The following CWC27 variants were observed in gnomAD, a reference collection of about 807,000 sequenced individuals.
CWC27 encodes the protein spliceosome-associated protein CWC27 homolog.
CWC27 carries 47 observed loss-of-function variants against 63.6 expected under a neutral mutation model. That is an observed-to-expected ratio of 0.74 (90% CI 0.58 to 0.94). The LOEUF is 0.94. Among genes scored for constraint, CWC27 ranks in the 40% least tolerant of loss-of-function variants. CWC27 has a pLI of 0.00. For missense variants in CWC27, 495 were observed against 554.3 expected (o/e 0.89, Z 1.07); for synonymous variants, 175 against 179.8 (o/e 0.97, Z 0.22).
chr5:64,937,199 T>C (rs533514332), intron 11 of CWC27, among the ~76,000 whole-genome samples: 35 of 152,326 alleles, frequency 2.3e-4, no homozygotes, highest in Admixed American at 4.6e-4. Context: ...ATGGTGTCGA[T>C]TTTAGATCTT....
chr5:64,842,657 T>C (rs1745875892), intron 10 of CWC27, among the ~76,000 whole-genome samples: 1 of 151,600 alleles, frequency 6.6e-6, no homozygotes, highest in African/African-American at 2.4e-5. Context: ...TGGAGTGCAG[T>C]GGCATGATCT....
chr5:64,977,887 G>A (rs1245223062), intron 13 of CWC27, among the ~76,000 whole-genome samples: 2 of 151,492 alleles, frequency 1.3e-5, no homozygotes, highest in African/African-American at 2.4e-5. Flanking sequence ...CACATGCAGT[G>A]TATTAAGCCT....
intron 7 of CWC27, among the ~76,000 whole-genome samples, chr5:64,797,742 C>G (rs528592570): frequency 6.6e-6 from 1 of 152,212 alleles, no homozygotes; most frequent in South Asian, 2.1e-4. Context: ...CTTAAAATCG[C>G]TCTTAGTGGT....
At chr5:64,913,601 A>G (rs1747833876) in intron 11 of CWC27, among the ~76,000 whole-genome samples, 1 of 152,056 alleles carries the variant, frequency 6.6e-6, no homozygotes, top group Admixed American at 6.5e-5. Flanking sequence ...TTTGAAAGAA[A>G]TTCTATCTAC....
In CWC27 at chr5:64,787,499, G is replaced by A. The variant is rs180800806; in HGVS notation, c.599+872G>A. On this transcript the variant is annotated intron_variant, in intron 6 of 13. Coordinates refer to ENST00000381070, the MANE Select transcript of CWC27 (RefSeq NM_005869.4). ...GAATATTTTTAATGACTGCATGATT[G>A]CATTATGCAATTTAACTTGTATTTA... 1.9e-3 allele frequency among the ~76,000 whole-genome samples: 281 copies of A among 151,874 alleles called. 1 individual carries two copies. Among genetic ancestry groups the A allele is most frequent in the African/African-American group, 5.1e-3 (211 of 41,510 alleles).
At chr5:65,014,640 C>T (rs1012309995) in intron 13 of CWC27, among the ~76,000 whole-genome samples, 3 of 151,870 alleles carry the variant, frequency 2.0e-5, no homozygotes, top group African/African-American at 7.3e-5. Context: ...ACTATCAGAC[C>T]CCCTGTACTC....
Position 64,885,698 on chromosome 5 carries a change from GGTGTGT to G in CWC27, c.1042+187_1042+192del, listed in dbSNP as rs143055779. 3.7e-3 allele frequency: 957 copies of G among 261,514 alleles called. 12 individuals carry two copies. The highest frequency in any genetic ancestry group is 0.023 in the African/African-American group (826 of 35,236). The allele number at this position is 261,514 out of a possible 1,614,324, so 16.2% of individuals were successfully genotyped here. A position where few individuals can be genotyped will look rare whatever the true frequency, so the allele number is the denominator to read the frequency against. On this transcript the variant is annotated intron_variant, in intron 11 of 13. Coordinates refer to ENST00000381070, the MANE Select transcript of CWC27 (RefSeq NM_005869.4). ...TTTCTTTCCCTCCCTCTTGAGTTAG[GGTGTGT>G]GTGTGTGTGTGTGTGTGTGTGTGTG...
intron 11 of CWC27, among the ~76,000 whole-genome samples, chr5:64,930,714 G>T (rs953142048): frequency 1.3e-5 from 2 of 152,150 alleles, no homozygotes; most frequent in African/African-American, 4.8e-5. Context: ...CTTATTAGTT[G>T]CACACTGATC....
chr5:64,971,639 A>G, intron 11 of CWC27, 64 bp from the exon 12 acceptor site: 1 of 1,262,234 alleles, frequency 7.9e-7, no homozygotes, highest in East Asian at 2.7e-5. Flanking sequence ...AGGAGCATAA[A>G]CATTGCTATG....
Position 64,804,240 on chromosome 5 carries a change from T to C in CWC27, c.792T>C (p.Asp264=). The C allele has an allele frequency of 6.2e-7, 1 of 1,604,878 alleles. No individual in the cohort carries two copies. Among genetic ancestry groups the C allele is most frequent in the East Asian group, 2.2e-5 (1 of 44,728 alleles). The change falls in exon 10 of 14, where the codon GAT becomes GAC. Residue 264 remains aspartate, a synonymous_variant. Transcript: ENST00000381070. ...TTCCATTTCTACAGGATGGAGAAGA[T>C]GAAAGTGCAGAGCATGATGAATATA... is the stretch of plus-strand genomic sequence containing the variant. The part of the protein sequence containing the change: ...DAPDLVDDGE[D]ESAEHDEYID...
At chr5:64,858,137 CAAAAAAAA>C (rs529762534) in intron 10 of CWC27, among the ~76,000 whole-genome samples, 3 of 23,084 alleles carry the variant, frequency 1.3e-4, no homozygotes, top group South Asian at 3.1e-3. Context: ...GACTCCGTCT[CAAAAAAAA>C]AAAAAAAAAA....
At chr5:65,011,578 G>A (rs1490247978) in intron 13 of CWC27, among the ~76,000 whole-genome samples, 2 of 152,256 alleles carry the variant, frequency 1.3e-5, no homozygotes, top group East Asian at 1.9e-4. Flanking sequence ...ACAGGCTGGA[G>A]AGGGAAGCAA....
intron 11 of CWC27, among the ~76,000 whole-genome samples, chr5:64,915,814 TA>T (rs1393412448): frequency 6.6e-6 from 1 of 152,164 alleles, no homozygotes; most frequent in South Asian, 2.1e-4. Flanking sequence ...AAAAACCCTA[TA>T]AAAATACATA....
intron 11 of CWC27, among the ~76,000 whole-genome samples, chr5:64,896,900 G>T (rs6861208): frequency 0.38 from 57,266 of 151,962 alleles, 11,561 homozygotes; most frequent in East Asian, 0.52. Context: ...CAACTTATGT[G>T]AGAAACATCT....
intron 11 of CWC27, among the ~76,000 whole-genome samples, chr5:64,914,378 A>G (rs1580723656): frequency 6.6e-6 from 1 of 152,168 alleles, no homozygotes; most frequent in African/African-American, 2.4e-5. Context: ...GCAAGCCACA[A>G]AATGGGAAAG....
chr5:64,926,662 T>C (rs1007016064), intron 11 of CWC27, among the ~76,000 whole-genome samples: 4 of 152,300 alleles, frequency 2.6e-5, no homozygotes, highest in African/African-American at 7.2e-5. Flanking sequence ...TGTTGGTTTA[T>C]GTGTTTTTAA....
chr5:65,015,912 G>A (rs1750040686), intron 13 of CWC27, among the ~76,000 whole-genome samples: 1 of 152,196 alleles, frequency 6.6e-6, no homozygotes. Flanking sequence ...ATTCACTGGA[G>A]CCAGTCTGCA....
At chr5:64,952,008 T>G (rs182486421) in intron 11 of CWC27, among the ~76,000 whole-genome samples, 93 of 152,068 alleles carry the variant, frequency 6.1e-4, no homozygotes, top group African/African-American at 2.0e-3. Context: ...CAGTTGTCCC[T>G]CAGTATCCAT....
At chr5:64,790,563 C>T (rs1744039252) in intron 7 of CWC27, among the ~76,000 whole-genome samples, 1 of 152,110 alleles carries the variant, frequency 6.6e-6, no homozygotes, top group Admixed American at 6.6e-5. Flanking sequence ...ACTTTCCTCA[C>T]AGTTCCCCCA....
Sources: gnomAD v4.1 joint callset for allele counts (sites outside exome capture counted in the v4.1 genomes callset) on GRCh38, gnomAD v4.1.1 for gene constraint, MANE v1.5 for transcripts, NCBI Gene and HGNC (gene_info 2026-07-23, HGNC 2026-07-21) for gene names.